The following CNTN5 variants were observed in gnomAD, a reference collection of about 807,000 sequenced individuals.
CNTN5 encodes the protein contactin 5.
In CNTN5, 77 loss-of-function variants were observed where a neutral mutation model predicts 129.1. The observed-to-expected ratio is 0.60, with a 90% CI of 0.50 to 0.72. The LOEUF is 0.72. Among genes scored for constraint, CNTN5 ranks in the 30% least tolerant of loss-of-function variants. The probability of loss-of-function intolerance (pLI) is 0.00; values close to 1 mark genes in which losing one functional copy is unlikely to be tolerated. For missense variants in CNTN5, 1,478 were observed against 1,328.8 expected (o/e 1.11, Z -1.75); for synonymous variants, 509 against 465.6 (o/e 1.09, Z -1.20).
intron 8 of CNTN5, among the ~76,000 whole-genome samples, chr11:99,961,626 C>G (rs1950949076): frequency 6.6e-6 from 1 of 152,186 alleles, no homozygotes; most frequent in Admixed American, 6.5e-5. Flanking sequence ...ACATAACACA[C>G]TGAACAACTA....
intron 13 of CNTN5, among the ~76,000 whole-genome samples, chr11:100,124,073 G>A (rs1361344136): frequency 1.3e-5 from 2 of 152,004 alleles, no homozygotes; most frequent in African/African-American, 4.8e-5. Context: ...ACCAGGTACT[G>A]TGCTAAGCAC....
At chr11:100,334,982 T>TA (rs5794050) in intron 21 of CNTN5, among the ~76,000 whole-genome samples, 319 of 135,770 alleles carry the variant, frequency 2.3e-3, no homozygotes, top group South Asian at 5.2e-3. Flanking sequence ...ACTTGATAAG[T>TA]AAAAAAAAAA....
At chr11:100,073,197 CA>C (rs376893900) in intron 12 of CNTN5, among the ~76,000 whole-genome samples, 134 of 152,048 alleles carry the variant, frequency 8.8e-4, no homozygotes, top group African/African-American at 3.0e-3. Context: ...CAGGCACCCA[CA>C]GCCACACCCA....
chr11:100,345,992 T>C (rs1478421183), intron 23 of CNTN5, among the ~76,000 whole-genome samples: 1 of 152,170 alleles, frequency 6.6e-6, no homozygotes, highest in Non-Finnish European at 1.5e-5. Context: ...GGTAATTTAT[T>C]TAGCATATTT....
intron 3 of CNTN5, among the ~76,000 whole-genome samples, chr11:99,777,012 G>T (rs1945147156): frequency 6.6e-6 from 1 of 151,740 alleles, no homozygotes; most frequent in Non-Finnish European, 1.5e-5. Context: ...GTTATATTGA[G>T]TTTTTTCATT....
intron 1 of CNTN5, among the ~76,000 whole-genome samples, chr11:99,245,698 G>A (rs1486491114): frequency 6.6e-6 from 1 of 152,072 alleles, no homozygotes; most frequent in Non-Finnish European, 1.5e-5. Flanking sequence ...TATATCCCAC[G>A]GAAGGACATT....
intron 2 of CNTN5, among the ~76,000 whole-genome samples, chr11:99,361,163 C>T (rs1470378796): frequency 6.6e-6 from 1 of 152,162 alleles, no homozygotes; most frequent in Admixed American, 6.5e-5. Flanking sequence ...CTATCAACGT[C>T]CTATTCACGA....
At chr11:99,669,069 T>G (rs1200162591) in intron 3 of CNTN5, among the ~76,000 whole-genome samples, 1 of 152,186 alleles carries the variant, frequency 6.6e-6, no homozygotes, top group Non-Finnish European at 1.5e-5. Flanking sequence ...CTTTTAAACA[T>G]GATTTATACT....
intron 2 of CNTN5, among the ~76,000 whole-genome samples, chr11:99,470,082 C>G (rs576115175): frequency 2.0e-5 from 3 of 152,140 alleles, no homozygotes; most frequent in Admixed American, 1.3e-4. Flanking sequence ...CCTGGGCAGG[C>G]TACGTGATAG....
intron 2 of CNTN5, among the ~76,000 whole-genome samples, chr11:99,485,668 T>G (rs1029507051): frequency 6.6e-6 from 1 of 152,060 alleles, no homozygotes; most frequent in South Asian, 2.1e-4. Flanking sequence ...ATTTTCTCTG[T>G]TTAATCAGAA....
chr11:99,514,002 G>A (rs559282935), intron 2 of CNTN5, among the ~76,000 whole-genome samples: 6 of 151,966 alleles, frequency 3.9e-5, no homozygotes, highest in South Asian at 2.1e-4. Flanking sequence ...AGGATTTACC[G>A]TTCTAGATCC....
At chr11:99,728,528 C>G (rs927415295) in intron 3 of CNTN5, among the ~76,000 whole-genome samples, 1 of 152,110 alleles carries the variant, frequency 6.6e-6, no homozygotes, top group East Asian at 1.9e-4. Flanking sequence ...AATGAAGGTG[C>G]TTTTTAGAAA....
chr11:99,225,572 T>G (rs993568891), intron 1 of CNTN5, among the ~76,000 whole-genome samples: 1 of 152,154 alleles, frequency 6.6e-6, no homozygotes. Flanking sequence ...CAACTAACTG[T>G]GCTTTTGACT....
At chr11:99,448,939 C>A (rs1322606770) in intron 2 of CNTN5, among the ~76,000 whole-genome samples, 1 of 151,426 alleles carries the variant, frequency 6.6e-6, no homozygotes, top group Non-Finnish European at 1.5e-5. Flanking sequence ...TACCACCATG[C>A]CTGGCTAATT....
intron 2 of CNTN5, among the ~76,000 whole-genome samples, chr11:99,423,405 G>A (rs1470901453): frequency 3.9e-5 from 6 of 152,256 alleles, no homozygotes; most frequent in South Asian, 2.1e-4. Flanking sequence ...CTCCTTGGTC[G>A]TTGAGAAAGA....
intron 3 of CNTN5, among the ~76,000 whole-genome samples, chr11:99,776,830 C>A (rs1359940351): frequency 6.6e-6 from 1 of 151,636 alleles, no homozygotes; most frequent in Non-Finnish European, 1.5e-5. Flanking sequence ...AAGAATAATA[C>A]CACATTTTAA....
rs750116758 is a variant in CNTN5 at position 99,596,848 on chromosome 11, C to T, written c.55+40579C>T. Among the ~76,000 whole-genome samples the T allele has an allele frequency of 4.4e-4, 67 of 152,124 alleles. 1 individual carries two copies. Among genetic ancestry groups the T allele is most frequent in the Non-Finnish European group, 4.4e-5 (3 of 67,990 alleles). On this transcript the variant is annotated intron_variant, in intron 3 of 24. Transcript: ENST00000524871. The stretch of plus-strand genomic sequence containing the variant: ...AACTTTATAAATAGACAATAATAAT[C>T]GCAATAAATTATATTGGGTTGAAAT...
intron 1 of CNTN5, among the ~76,000 whole-genome samples, chr11:99,308,648 T>C (rs1453791986): frequency 1.3e-5 from 2 of 152,184 alleles, no homozygotes; most frequent in Non-Finnish European, 2.9e-5. Context: ...ACTATAAGCT[T>C]TCAGGAAAAT....
chr11:99,882,428 T>C (rs1565635310), intron 6 of CNTN5, among the ~76,000 whole-genome samples: 1 of 152,068 alleles, frequency 6.6e-6, no homozygotes, highest in Admixed American at 6.6e-5. Context: ...TAAAAGAGAT[T>C]TGGTTTAAAA....
Sources: gnomAD v4.1 joint callset for allele counts (sites outside exome capture counted in the v4.1 genomes callset) on GRCh38, gnomAD v4.1.1 for gene constraint, MANE v1.5 for transcripts, NCBI Gene and HGNC (gene_info 2026-07-23, HGNC 2026-07-21) for gene names.